SHANK2: variants seen among roughly 807,000 people sequenced by gnomAD.
SHANK2 encodes the protein SH3 and multiple ankyrin repeat domains protein 2.
A neutral mutation model predicts 133.7 loss-of-function variants in SHANK2; 43 were observed. That is an observed-to-expected ratio of 0.32 (90% CI 0.25 to 0.41). The LOEUF is 0.41. Among genes scored for constraint, SHANK2 ranks in the 10% least tolerant of loss-of-function variants. The probability of loss-of-function intolerance (pLI) is 1.00; values close to 1 mark genes in which losing one functional copy is unlikely to be tolerated. For missense variants in SHANK2, 1,994 were observed against 2,235.8 expected (o/e 0.89, Z 2.18); for synonymous variants, 1,017 against 952.8 (o/e 1.07, Z -1.24).
intron 14 of SHANK2, among the ~76,000 whole-genome samples, chr11:70,787,785 G>T (rs1225583261): frequency 6.6e-6 from 1 of 152,150 alleles, no homozygotes; most frequent in South Asian, 2.1e-4. Context: ...CTGACCCTGG[G>T]GATGCTCCAG....
rs139128036 is a variant in SHANK2, at chr11:71,207,268, C to T, written c.-13+17429G>A. Among the ~76,000 whole-genome samples, 900 of 151,256 alleles carry T rather than the reference C, an allele frequency of 6.0e-3. 9 individuals are homozygous for T. Among genetic ancestry groups the T allele is most frequent in the African/African-American group, 0.021 (861 of 41,110 alleles). The stretch of plus-strand genomic sequence containing the variant: ...AATCTCGGCTCACTACAACCTCTGC[C>T]TCCGGGGTTCAAGTGATTCTCTGGC... On this transcript the variant is annotated intron_variant, in intron 2 of 25. Coordinates refer to ENST00000601538, the MANE Select transcript of SHANK2 (RefSeq NM_012309.5).
At chr11:70,488,427 C>T (rs2058842332) in intron 24 of SHANK2, among the ~76,000 whole-genome samples, 2 of 152,326 alleles carry the variant, frequency 1.3e-5, no homozygotes, top group Non-Finnish European at 2.9e-5. Context: ...AGGTGCTTTT[C>T]TTCCAGGGTC....
chr11:70,537,196 A>G (rs2059555435), intron 17 of SHANK2, among the ~76,000 whole-genome samples: 1 of 152,134 alleles, frequency 6.6e-6, no homozygotes, highest in Non-Finnish European at 1.5e-5. Context: ...CCCCTCCAGA[A>G]TTTAGGCCTG....
rs781799350 is a variant in SHANK2 at position 70,502,945 on chromosome 11, G to C, written c.2062-14C>G. 3 of 1,614,080 alleles carry C rather than the reference G, an allele frequency of 1.9e-6. No individual in the cohort carries two copies. Among genetic ancestry groups the C allele is most frequent in the South Asian group, 2.2e-5 (2 of 91,064 alleles). The stretch of plus-strand genomic sequence containing the variant: ...CTCATTGTTAACCTGTGGGAAGGCG[G>C]AGAGGATGGCATCAGTGAGAGCCAG... On this transcript the variant is annotated splice_polypyrimidine_tract_variant and intron_variant, in intron 17 of 25. Coordinates refer to ENST00000601538, the MANE Select transcript of SHANK2 (RefSeq NM_012309.5).
chr11:70,798,371 G>A (rs1359827670), intron 14 of SHANK2, 72 bp downstream of exon 14: 5 of 707,676 alleles, frequency 7.1e-6, no homozygotes, highest in African/African-American at 1.7e-5. Flanking sequence ...ATCTTGCCAC[G>A]GACAACACCG....
At chr11:71,092,665 G>A in intron 7 of SHANK2, 76 bp from the exon 8 acceptor site, 2 of 1,439,828 alleles carry the variant, frequency 1.4e-6, no homozygotes, top group South Asian at 1.3e-5. Flanking sequence ...CCAGAAAGCA[G>A]CACCAGGACC....
intron 10 of SHANK2, among the ~76,000 whole-genome samples, chr11:70,937,685 CT>C (rs797040452): frequency 8.3e-4 from 121 of 145,870 alleles, no homozygotes; most frequent in East Asian, 2.8e-3. Flanking sequence ...GTGCGTGCAT[CT>C]TTTTTTTTTT....
intron 17 of SHANK2, among the ~76,000 whole-genome samples, chr11:70,542,801 T>A (rs1256327206): frequency 6.6e-6 from 1 of 152,190 alleles, no homozygotes; most frequent in Non-Finnish European, 1.5e-5. Context: ...TGGCGGGGTT[T>A]CCAATGGGCC....
chr11:70,622,436 G>A (rs2060842046), intron 17 of SHANK2, among the ~76,000 whole-genome samples: 1 of 152,124 alleles, frequency 6.6e-6, no homozygotes, highest in African/African-American at 2.4e-5. Flanking sequence ...GAGTGTCCTG[G>A]GCTTTTGTTA....
At chr11:70,531,428 G>C (rs2059468981) in intron 17 of SHANK2, among the ~76,000 whole-genome samples, 1 of 152,200 alleles carries the variant, frequency 6.6e-6, no homozygotes, top group African/African-American at 2.4e-5. Context: ...GCTTGGCAGA[G>C]GTGAGCTGGG....
intron 11 of SHANK2, among the ~76,000 whole-genome samples, chr11:70,841,055 G>A (rs1237530306): frequency 1.3e-5 from 2 of 152,098 alleles, no homozygotes; most frequent in Admixed American, 1.3e-4. Context: ...TTGAGGTCCA[G>A]AGTTCAAGAC....
At chr11:70,546,074 T>A (rs1475024539) in intron 17 of SHANK2, among the ~76,000 whole-genome samples, 1 of 150,972 alleles carries the variant, frequency 6.6e-6, no homozygotes. Context: ...AGCCTGGTTG[T>A]TTTTTATAAA....
At chr11:70,559,748 G>C (rs1210700627) in intron 17 of SHANK2, among the ~76,000 whole-genome samples, 2 of 152,000 alleles carry the variant, frequency 1.3e-5, no homozygotes, top group African/African-American at 4.8e-5. Context: ...AAGACGGTGC[G>C]CCCTGCCCAG....
intron 2 of SHANK2, among the ~76,000 whole-genome samples, chr11:71,214,093 C>G (rs976201676): frequency 6.6e-6 from 1 of 152,300 alleles, no homozygotes; most frequent in East Asian, 1.9e-4. Context: ...CTGGCCCTGC[C>G]TCTCTCACAG....
chr11:70,775,114 G>A (rs1947333419), intron 14 of SHANK2, among the ~76,000 whole-genome samples: 1 of 152,080 alleles, frequency 6.6e-6, no homozygotes, highest in African/African-American at 2.4e-5. Flanking sequence ...AGCTATGATT[G>A]CACCACCGCA....
At position 70,724,437 on chromosome 11, in the gene SHANK2, T is replaced by C. The variant is rs117835358; in HGVS notation, c.1778-25674A>G. ...GTGTGTATGCATGTGCCTGTGGCCA[T>C]AGGTGTAAAAATGTCTCCAAGCACT... is the stretch of plus-strand genomic sequence containing the variant. On this transcript the variant is annotated intron_variant, in intron 14 of 25. Transcript: ENST00000601538. 1.6e-3 allele frequency among the ~76,000 whole-genome samples: 251 copies of C among 152,292 alleles called. 5 individuals are homozygous for C. The East Asian group carries it at 0.038, about 23-fold the overall frequency.
At chr11:71,245,501 T>C (rs1266950849) in intron 1 of SHANK2, among the ~76,000 whole-genome samples, 1 of 152,250 alleles carries the variant, frequency 6.6e-6, no homozygotes, top group East Asian at 1.9e-4. Flanking sequence ...GCTAGAAGTC[T>C]GACAACCACT....
At chr11:70,939,071 T>G (rs1555083896) in intron 10 of SHANK2, among the ~76,000 whole-genome samples, 1 of 152,010 alleles carries the variant, frequency 6.6e-6, no homozygotes, top group East Asian at 1.9e-4. Flanking sequence ...CAAAGGGAGA[T>G]GACAGACCCT....
At chr11:71,225,785 C>A (rs1029082703) in intron 1 of SHANK2, among the ~76,000 whole-genome samples, 1 of 152,140 alleles carries the variant, frequency 6.6e-6, no homozygotes, top group Non-Finnish European at 1.5e-5. Context: ...AAAGCCTCAC[C>A]AGAGCAGTGC....
Sources: allele counts gnomAD v4.1 joint callset (sites outside exome capture counted in the v4.1 genomes callset), GRCh38; gene constraint gnomAD v4.1.1; transcripts MANE v1.5; gene names NCBI Gene and HGNC (gene_info 2026-07-23, HGNC 2026-07-21).